DOCK1: variants seen among roughly 807,000 people sequenced by gnomAD.
The protein encoded by DOCK1 is dedicator of cytokinesis 1.
In DOCK1, 138 loss-of-function variants were observed where a neutral mutation model predicts 262.7. The observed-to-expected ratio is 0.53, with a 90% CI of 0.46 to 0.61. The LOEUF (loss-of-function observed/expected upper bound fraction) is 0.61. Ranked by LOEUF, DOCK1 falls within the 20% of genes least tolerant of loss-of-function variation. The pLI is 0.00. For missense variants in DOCK1, 1,908 were observed against 2,370.7 expected (o/e 0.80, Z 4.05); for synonymous variants, 866 against 867.4 (o/e 1.00, Z 0.03).
chr10:126,924,876 A>G (rs1209458059), intron 1 of DOCK1, among the ~76,000 whole-genome samples: 1 of 152,248 alleles, frequency 6.6e-6, no homozygotes, highest in Non-Finnish European at 1.5e-5. Context: ...GTGTTTCTTA[A>G]GGACAAACTT....
intron 47 of DOCK1, among the ~76,000 whole-genome samples, chr10:127,427,271 C>T (rs1048093561): frequency 9.2e-5 from 14 of 152,196 alleles, no homozygotes; most frequent in Admixed American, 2.6e-4. Context: ...AGGTAACATA[C>T]GGCACTTTCC....
chr10:127,039,954 C>G (rs1489227868), intron 19 of DOCK1, among the ~76,000 whole-genome samples: 1 of 152,172 alleles, frequency 6.6e-6, no homozygotes, highest in Non-Finnish European at 1.5e-5. Context: ...TTCATGGCTC[C>G]GTGTGAAGGC....
intron 23 of DOCK1, among the ~76,000 whole-genome samples, chr10:127,086,971 G>T (rs2047236088): frequency 6.6e-6 from 1 of 152,092 alleles, no homozygotes; most frequent in Admixed American, 6.6e-5. Context: ...TCATTGTAAT[G>T]CAATTCTTAT....
At chr10:127,310,992 T>C (rs1014615352) in intron 29 of DOCK1, among the ~76,000 whole-genome samples, 1 of 152,212 alleles carries the variant, frequency 6.6e-6, no homozygotes, top group African/African-American at 2.4e-5. Context: ...TCAACACTTT[T>C]TCAGTGTGTT....
At chr10:126,999,764 C>T (rs1474003480) in intron 9 of DOCK1, among the ~76,000 whole-genome samples, 2 of 152,162 alleles carry the variant, frequency 1.3e-5, no homozygotes, top group African/African-American at 4.8e-5. Flanking sequence ...GCAACCTACG[C>T]CTCCTGGGTT....
In DOCK1 at chr10:127,373,879, T is replaced by C. The variant is rs564057693; in HGVS notation, c.3518+13T>C. The C allele has an allele frequency of 9.8e-5, 157 of 1,595,442 alleles. No individual in the cohort carries two copies. Among genetic ancestry groups the C allele is most frequent in the Non-Finnish European group, 1.3e-4 (147 of 1,169,930 alleles). On this transcript the variant is annotated intron_variant, in intron 34 of 51. Transcript: ENST00000623213. ...TATTTGATAAAATGTAAGTGTTGAT[T>C]AGCAGTGGGATTTATGTCTGAGAGA...
At chr10:126,951,952 C>T (rs1208114499) in intron 1 of DOCK1, among the ~76,000 whole-genome samples, 3 of 151,046 alleles carry the variant, frequency 2.0e-5, no homozygotes, top group African/African-American at 7.3e-5. Flanking sequence ...TGGGTTCAAG[C>T]GATTTTCCTG....
At chr10:127,421,367 A>G (rs2068497969) in intron 46 of DOCK1, among the ~76,000 whole-genome samples, 1 of 152,162 alleles carries the variant, frequency 6.6e-6, no homozygotes, top group Non-Finnish European at 1.5e-5. Context: ...TTGTGTTTAG[A>G]TATATAGGAT....
At chr10:126,936,342 C>G (rs1193715092) in intron 1 of DOCK1, among the ~76,000 whole-genome samples, 5 of 152,182 alleles carry the variant, frequency 3.3e-5, no homozygotes, top group Non-Finnish European at 7.3e-5. Context: ...TGTGGGCCAT[C>G]ATGGTTTCTG....
chr10:127,322,792 G>C lies in DOCK1; in HGVS notation c.3045-16214G>C, dbSNP rs569785129. ...AGAGTCTATTAGTGAATGCAGAAGAGACCATATGGCCTGCAAGGCCTGACT... is the reference window on the plus strand; with the variant it reads ...AGAGTCTATTAGTGAATGCAGAAGACACCATATGGCCTGCAAGGCCTGACT... On this transcript the variant is annotated intron_variant, in intron 29 of 51. Transcript: ENST00000623213. Among the ~76,000 whole-genome samples the C allele has an allele frequency of 1.4e-4, 21 of 152,366 alleles. No homozygotes were observed. In the South Asian group the frequency reaches 1.5e-3, roughly 11 times the overall value.
chr10:127,128,971 C>T (rs1007670063), intron 27 of DOCK1, among the ~76,000 whole-genome samples: 3 of 152,132 alleles, frequency 2.0e-5, no homozygotes, highest in Non-Finnish European at 4.4e-5. Flanking sequence ...GGAGTTTTCC[C>T]TTGACATCAG....
intron 29 of DOCK1, among the ~76,000 whole-genome samples, chr10:127,300,435 G>A (rs1404334623): frequency 1.3e-5 from 2 of 152,122 alleles, no homozygotes; most frequent in African/African-American, 4.8e-5. Flanking sequence ...TTCTAGCATT[G>A]GGGACTGCAG....
At chr10:127,030,806 G>A (rs185870308) in intron 16 of DOCK1, among the ~76,000 whole-genome samples, 2 of 151,426 alleles carry the variant, frequency 1.3e-5, no homozygotes, top group Non-Finnish European at 3.0e-5. Flanking sequence ...CTCTGTCTCT[G>A]TCTCTGTCTC....
At chr10:127,421,956 T>G (rs1205555098) in intron 46 of DOCK1, among the ~76,000 whole-genome samples, 1 of 152,140 alleles carries the variant, frequency 6.6e-6, no homozygotes, top group African/African-American at 2.4e-5. Context: ...AAATACCTGC[T>G]CAAGTCCCTG....
At chr10:127,046,279 GC>G (rs1198710024) in intron 21 of DOCK1, among the ~76,000 whole-genome samples, 2 of 152,166 alleles carry the variant, frequency 1.3e-5, no homozygotes, top group Non-Finnish European at 2.9e-5. Flanking sequence ...ACCCGCAGAG[GC>G]CTATATGGCA....
intron 1 of DOCK1, among the ~76,000 whole-genome samples, chr10:126,942,084 G>T (rs915753192): frequency 6.6e-6 from 1 of 151,840 alleles, no homozygotes; most frequent in Non-Finnish European, 1.5e-5. Context: ...GAGTGCAGTG[G>T]CACGATCTCG....
chr10:127,163,365 A>C lies in DOCK1; in HGVS notation c.2847+35601A>C, dbSNP rs1356588813. Among the ~76,000 whole-genome samples the C allele has an allele frequency of 7.9e-5, 12 of 151,888 alleles. No individual in the cohort carries two copies. In the South Asian group the frequency reaches 2.1e-3, roughly 26 times the overall value. ...ATTTATCGCCATGGAGTATACCGGG[A>C]GCTGTAGCTATTTCGCTTTCCCTGT... On this transcript the variant is annotated intron_variant, in intron 27 of 51. Coordinates refer to ENST00000623213, the MANE Select transcript of DOCK1 (RefSeq NM_001290223.2).
intron 1 of DOCK1, among the ~76,000 whole-genome samples, chr10:126,948,202 A>G (rs1393298293): frequency 1.0e-5 from 1 of 99,112 alleles, no homozygotes; most frequent in Non-Finnish European, 2.3e-5. Flanking sequence ...TGGTAGTATT[A>G]CTGTTGGTGG....
rs535353516 is a variant in DOCK1 at position 127,041,177 on chromosome 10, A to G, written c.2011-1448A>G. Among the ~76,000 whole-genome samples, 4 of 152,236 alleles carry G rather than the reference A, an allele frequency of 2.6e-5. No individual in the cohort carries two copies. In the East Asian group the frequency reaches 7.7e-4, roughly 29 times the overall value. ...CAATCTCAGGATCTTGGCTCACCAC[A>G]ACCTCCACCTCCCAGGTTCAACTGA... On this transcript the variant is annotated intron_variant, in intron 19 of 51. Coordinates refer to ENST00000623213, the MANE Select transcript of DOCK1 (RefSeq NM_001290223.2).
Sources: allele counts gnomAD v4.1 joint callset (sites outside exome capture counted in the v4.1 genomes callset), GRCh38; gene constraint gnomAD v4.1.1; transcripts MANE v1.5; gene names NCBI Gene and HGNC (gene_info 2026-07-23, HGNC 2026-07-21).